HIVEP3: variants seen among roughly 807,000 people sequenced by gnomAD.
HIVEP3 encodes the protein HIVEP zinc finger 3.
HIVEP3 carries 49 observed loss-of-function variants against 152.8 expected under a neutral mutation model. The observed-to-expected ratio is 0.32, with a 90% CI of 0.26 to 0.41. The LOEUF is 0.41. Among genes scored for constraint, HIVEP3 ranks in the 10% least tolerant of loss-of-function variants. The pLI is 1.00. For missense variants in HIVEP3, 2,790 were observed against 3,103.3 expected (o/e 0.90, Z 2.40); for synonymous variants, 1,269 against 1,289.0 (o/e 0.98, Z 0.33).
chr1:41,561,080 C>T (rs2149088526), intron 5 of HIVEP3, among the ~76,000 whole-genome samples: 1 of 152,306 alleles, frequency 6.6e-6, no homozygotes, highest in South Asian at 2.1e-4. Flanking sequence ...CAGCAGCTCC[C>T]AGGATTTAGT....
chr1:41,555,306 C>T (rs993256259), intron 5 of HIVEP3, among the ~76,000 whole-genome samples: 1 of 152,196 alleles, frequency 6.6e-6, no homozygotes, highest in Non-Finnish European at 1.5e-5. Context: ...CTGAGCCAGG[C>T]GCAGAATATA....
chr1:41,583,894 G>A lies in HIVEP3; in HGVS notation c.904C>T (p.Pro302Ser), dbSNP rs1398357119. 1 of 1,613,942 alleles carries A rather than the reference G, an allele frequency of 6.2e-7. No homozygotes were observed. Among genetic ancestry groups the A allele is most frequent in the African/African-American group, 1.3e-5 (1 of 74,896 alleles). The change falls in exon 4 of 9, where the codon CCC becomes TCC. Residue 302 changes from proline (P) to serine (S), a missense_variant. Transcript: ENST00000372583. The surrounding 1 kb of genome is among the most constrained non-coding windows in gnomAD (Gnocchi z 6.9). ...SGHPAELSPR[P>S]KQPLLSSGLY... ...CCGCTGGAGAGAAGGGGCTGCTTGG[G>A]TCTTGGGGAGAGCTCTGCAGGGTGA...
intron 2 of HIVEP3, among the ~76,000 whole-genome samples, chr1:41,650,886 GC>G (rs768275853): frequency 1.3e-5 from 2 of 152,136 alleles, no homozygotes; most frequent in Admixed American, 1.3e-4. Context: ...GTATTCTCTG[GC>G]ACAAATGCAC....
At chr1:41,518,719 G>A (rs1362433782) in intron 6 of HIVEP3, among the ~76,000 whole-genome samples, 1 of 152,186 alleles carries the variant, frequency 6.6e-6, no homozygotes, top group Non-Finnish European at 1.5e-5. Context: ...AGGTGGGGTG[G>A]GCGAGGGCTG....
chr1:41,931,067 C>T (rs1371283320), intron 1 of HIVEP3, among the ~76,000 whole-genome samples: 1 of 152,040 alleles, frequency 6.6e-6, no homozygotes, highest in African/African-American at 2.4e-5. Context: ...CAATCTGTGG[C>T]TTGTCTTTTT....
At chr1:41,625,205 A>G (rs2149145326) in intron 3 of HIVEP3, among the ~76,000 whole-genome samples, 1 of 140,332 alleles carries the variant, frequency 7.1e-6, no homozygotes, top group Admixed American at 6.9e-5. Flanking sequence ...ATTCCTTAAT[A>G]CTTTGCAGTC....
At chr1:41,703,058 A>G (rs2124131795) in intron 1 of HIVEP3, among the ~76,000 whole-genome samples, 1 of 152,274 alleles carries the variant, frequency 6.6e-6, no homozygotes, top group South Asian at 2.1e-4. Flanking sequence ...TTTAGTCTCC[A>G]CGAAAATTTT....
chr1:41,670,659 G>A (rs1411587418), intron 2 of HIVEP3, among the ~76,000 whole-genome samples: 3 of 152,214 alleles, frequency 2.0e-5, no homozygotes, highest in Non-Finnish European at 4.4e-5. Context: ...AGGGAACCAG[G>A]AATGCAGGGG....
chr1:41,832,490 C>T (rs1642992676), intron 1 of HIVEP3, among the ~76,000 whole-genome samples: 1 of 152,210 alleles, frequency 6.6e-6, no homozygotes, highest in Non-Finnish European at 1.5e-5. Context: ...AAGATCATGC[C>T]ACTGCACTCC....
chr1:41,693,599 A>G (rs1252938412), intron 2 of HIVEP3, among the ~76,000 whole-genome samples: 4 of 152,122 alleles, frequency 2.6e-5, no homozygotes, highest in Non-Finnish European at 4.4e-5. Context: ...TACTTTTCTT[A>G]GTTTGTTATC....
At chr1:41,883,712 G>A (rs1204684344) in intron 1 of HIVEP3, among the ~76,000 whole-genome samples, 1 of 152,130 alleles carries the variant, frequency 6.6e-6, no homozygotes, top group Non-Finnish European at 1.5e-5. Flanking sequence ...AGTTGCTGTT[G>A]GCACGGCCTG....
At chr1:41,545,479 C>CCACCAA (rs1643750244) in intron 5 of HIVEP3, among the ~76,000 whole-genome samples, 1 of 146,842 alleles carries the variant, frequency 6.8e-6, no homozygotes. Context: ...ACCAACACCA[C>CCACCAA]TACCACCAGC....
intron 1 of HIVEP3, among the ~76,000 whole-genome samples, chr1:41,948,745 A>C (rs1645088756): frequency 6.6e-6 from 1 of 150,670 alleles, no homozygotes; most frequent in African/African-American, 2.5e-5. Context: ...AGTGGAAATT[A>C]CTTAAAACCC....
At chr1:41,959,675 A>G (rs1645158962) in intron 1 of HIVEP3, among the ~76,000 whole-genome samples, 1 of 152,230 alleles carries the variant, frequency 6.6e-6, no homozygotes, top group Non-Finnish European at 1.5e-5. Flanking sequence ...AACAGAATGC[A>G]TAGGTCTGGG....
intron 1 of HIVEP3, among the ~76,000 whole-genome samples, chr1:41,865,976 G>C (rs140253318): frequency 6.6e-6 from 1 of 152,190 alleles, no homozygotes; most frequent in African/African-American, 2.4e-5. Context: ...AGGGAGCATC[G>C]AAATCTGAGG....
At chr1:41,830,910 C>T (rs1177595139) in intron 1 of HIVEP3, among the ~76,000 whole-genome samples, 2 of 152,228 alleles carry the variant, frequency 1.3e-5, no homozygotes, top group African/African-American at 4.8e-5. Flanking sequence ...GTTCGTGACT[C>T]ACTTTATTCA....
At position 41,664,886 on chromosome 1, in the gene HIVEP3, C is replaced by G. The variant is rs999755705; in HGVS notation, c.-720-35939G>C. 3.3e-5 allele frequency among the ~76,000 whole-genome samples: 5 copies of G among 152,210 alleles called. No individual in the cohort carries two copies. The highest frequency in any genetic ancestry group is 7.3e-5 in the Non-Finnish European group (5 of 68,038). ...ATGCCAACCCCCCAAAACACGGAGT[C>G]CTGAGCTGGCCCTAATGAGGTGGAG... is the stretch of plus-strand genomic sequence containing the variant. On this transcript the variant is annotated intron_variant, in intron 2 of 8. Coordinates refer to ENST00000372583, the MANE Select transcript of HIVEP3 (RefSeq NM_024503.5). This position sits in a 1 kb window ranked among gnomAD's most constrained non-coding sequence, Gnocchi z 4.4.
At chr1:41,617,218 T>A (rs1307823734) in intron 3 of HIVEP3, among the ~76,000 whole-genome samples, 1 of 138,890 alleles carries the variant, frequency 7.2e-6, no homozygotes, top group Non-Finnish European at 1.6e-5. Context: ...GCCATAAACA[T>A]CCTTTATACA....
chr1:41,643,493 C>T (rs1019754821), intron 2 of HIVEP3, among the ~76,000 whole-genome samples: 24 of 152,242 alleles, frequency 1.6e-4, no homozygotes, highest in Admixed American at 5.2e-4. Flanking sequence ...ATTAAACACA[C>T]CACCACTGCC....
Sources: gnomAD v4.1 joint callset for allele counts (sites outside exome capture counted in the v4.1 genomes callset) on GRCh38, gnomAD v4.1.1 for gene constraint, Gnocchi (gnomAD v3.1) non-coding constraint, MANE v1.5 for transcripts, NCBI Gene and HGNC (gene_info 2026-07-23, HGNC 2026-07-21) for gene names.